SCAMP1: variants seen among roughly 807,000 people sequenced by gnomAD.
SCAMP1 encodes the protein secretory carrier-associated membrane protein 1.
In SCAMP1, 15 loss-of-function variants were observed where a neutral mutation model predicts 41.8. That is an observed-to-expected ratio of 0.36 (90% confidence interval 0.24 to 0.55). The LOEUF (loss-of-function observed/expected upper bound fraction) is 0.55. Ranked by LOEUF, SCAMP1 falls within the 20% of genes least tolerant of loss-of-function variation. The probability of loss-of-function intolerance (pLI) is 0.86; values close to 1 mark genes in which losing one functional copy is unlikely to be tolerated. For synonymous variants in SCAMP1, 135 were observed against 136.8 expected, an observed-to-expected ratio of 0.99 and a Z score of 0.09; for missense variants, 341 against 412.6, an observed-to-expected ratio of 0.83 and a Z score of 1.50.
chr5:78,431,771 G>A (rs73133723), intron 6 of SCAMP1, among the ~76,000 whole-genome samples: 4,316 of 151,730 alleles, frequency 0.028, 218 homozygotes, highest in African/African-American at 0.097. Flanking sequence ...GTTTTAAAAT[G>A]TATTTTATTT....
intron 2 of SCAMP1, among the ~76,000 whole-genome samples, chr5:78,407,192 C>T (rs1751956144): frequency 6.6e-6 from 1 of 152,122 alleles, no homozygotes; most frequent in South Asian, 2.1e-4. Context: ...TTTTCTTCTC[C>T]TGTCATTTTT....
At chr5:78,419,733 A>G (rs1005778539) in intron 5 of SCAMP1, among the ~76,000 whole-genome samples, 39 of 152,208 alleles carry the variant, frequency 2.6e-4, no homozygotes, top group African/African-American at 8.0e-4. Flanking sequence ...CTTTATGATT[A>G]ATGAGACTAC....
chr5:78,361,092 A>G lies in SCAMP1; in HGVS notation c.57+364A>G, dbSNP rs562097240. The G allele has an allele frequency of 1.6e-4, 35 of 217,334 alleles. 1 individual carries two copies. Among genetic ancestry groups the G allele is most frequent in the South Asian group, 1.6e-3 (20 of 12,590 alleles). 13.5% of individuals were successfully genotyped at this position (217,334 alleles called of 1,614,324 possible). A position where few individuals can be genotyped will look rare whatever the true frequency, so the allele number is the denominator to read the frequency against. The stretch of plus-strand genomic sequence containing the variant: ...CCCTTGCCAAGCAAGTGTGGCTGGC[A>G]GGGCCGGGAGTCGGCGGAGGGGGGC... On this transcript the variant is annotated intron_variant, in intron 1 of 8. Coordinates refer to ENST00000621999, the MANE Select transcript of SCAMP1 (RefSeq NM_004866.6).
chr5:78,398,541 ATTTTTTTTTTTT>A (rs57209214), intron 2 of SCAMP1, among the ~76,000 whole-genome samples: 2 of 44,226 alleles, frequency 4.5e-5, no homozygotes, highest in African/African-American at 7.9e-5. Context: ...AAGGTTCACT[ATTTTTTTTTTTT>A]TTTTTTTTTT....
intron 7 of SCAMP1, 133 bp downstream of exon 7, chr5:78,450,167 C>G: frequency 1.7e-6 from 1 of 583,570 alleles, no homozygotes; most frequent in Non-Finnish European, 2.9e-6. Flanking sequence ...TTTAAAAATA[C>G]AATTTTAAAA....
At position 78,451,815 on chromosome 5, in the gene SCAMP1, C is replaced by G. The variant is rs192695088; in HGVS notation, c.734+1781C>G. On this transcript the variant is annotated intron_variant, in intron 7 of 8. Coordinates refer to ENST00000621999, the MANE Select transcript of SCAMP1 (RefSeq NM_004866.6). ...GATTACAGGCGCCTGCCACCCAGCC[C>G]AGCTAATTTTTCTATTTTTAGTAGA... Among the ~76,000 whole-genome samples the G allele has an allele frequency of 1.3e-4, 20 of 152,224 alleles. No individual in the cohort carries two copies. In the East Asian group the frequency reaches 3.9e-3, roughly 29 times the overall value.
At chr5:78,414,812 T>A (rs77178211) in intron 2 of SCAMP1, among the ~76,000 whole-genome samples, 3 of 152,036 alleles carry the variant, frequency 2.0e-5, no homozygotes, top group Non-Finnish European at 4.4e-5. Flanking sequence ...TCTTTTAAAT[T>A]TAGTGGGGTT....
At chr5:78,422,673 A>G (rs1419700329) in intron 6 of SCAMP1, among the ~76,000 whole-genome samples, 1 of 152,194 alleles carries the variant, frequency 6.6e-6, no homozygotes, top group African/African-American at 2.4e-5. Context: ...AGTACCTAGT[A>G]TGATTTGTGC....
intron 1 of SCAMP1, among the ~76,000 whole-genome samples, chr5:78,376,119 G>A (rs1411320128): frequency 1.3e-5 from 2 of 152,048 alleles, no homozygotes; most frequent in African/African-American, 4.8e-5. Flanking sequence ...CGGTCCTACC[G>A]ATATGTGATG....
Position 78,461,510 on chromosome 5 carries a change from C to T in SCAMP1, c.852+2148C>T, listed in dbSNP as rs115113353. Among the ~76,000 whole-genome samples, 607 of 152,250 alleles carry T rather than the reference C, an allele frequency of 4.0e-3. 2 individuals are homozygous for T. Among genetic ancestry groups the T allele is most frequent in the Middle Eastern group, 0.031 (9 of 294 alleles). On this transcript the variant is annotated intron_variant, in intron 8 of 8. Transcript: ENST00000621999. ...AGGTGTGTGGCATTATTTCTGGGTT[C>T]TCTGTTCGATTGGTCTGTTTTTGTA...
intron 2 of SCAMP1, among the ~76,000 whole-genome samples, chr5:78,403,377 T>C (rs1197364007): frequency 1.3e-5 from 2 of 152,164 alleles, no homozygotes; most frequent in Non-Finnish European, 2.9e-5. Flanking sequence ...TTCGCTGATA[T>C]ATAAGCATAT....
At position 78,477,218 on chromosome 5, in the gene SCAMP1, C is replaced by T. The variant is rs1354626366; in HGVS notation, c.*1550C>T. On this transcript the variant is annotated 3_prime_UTR_variant, in exon 9 of 9. Coordinates refer to ENST00000621999, the MANE Select transcript of SCAMP1 (RefSeq NM_004866.6). ...CAAGTTTTCACTATCCATGAAGCAGCGCTGCATGTCACTAGGTAACACAGA... is the reference window on the plus strand; with the variant it reads ...CAAGTTTTCACTATCCATGAAGCAGTGCTGCATGTCACTAGGTAACACAGA... The T allele has an allele frequency of 3.3e-5, 5 of 152,084 alleles. No homozygotes were observed. The highest frequency in any genetic ancestry group is 2.1e-4 in the South Asian group (1 of 4,828). 9.4% of individuals were successfully genotyped at this position (152,084 alleles called of 1,614,324 possible).
At chr5:78,406,027 A>G (rs1025702302) in intron 2 of SCAMP1, among the ~76,000 whole-genome samples, 3 of 152,214 alleles carry the variant, frequency 2.0e-5, no homozygotes, top group East Asian at 1.9e-4. Context: ...TGCTGAATCA[A>G]CGGCTGTTAA....
chr5:78,383,492 AT>A (rs1387379867), intron 1 of SCAMP1, among the ~76,000 whole-genome samples: 1 of 152,224 alleles, frequency 6.6e-6, no homozygotes, highest in African/African-American at 2.4e-5. Context: ...GTTCTTGGTC[AT>A]AAAGTCTTTC....
At chr5:78,360,754 G>A in intron 1 of SCAMP1, 26 bp downstream of exon 1, 1 of 1,595,104 alleles carries the variant, frequency 6.3e-7, no homozygotes, top group Non-Finnish European at 8.5e-7. Flanking sequence ...AGCATCTCCT[G>A]CCGCCGCGAC....
At chr5:78,473,622 C>G (rs1753936872) in intron 8 of SCAMP1, among the ~76,000 whole-genome samples, 1 of 152,116 alleles carries the variant, frequency 6.6e-6, no homozygotes, top group African/African-American at 2.4e-5. Context: ...TCTTCTCCCC[C>G]TCCCACCTTC....
At chr5:78,412,599 G>T (rs1189283461) in intron 2 of SCAMP1, among the ~76,000 whole-genome samples, 1 of 152,002 alleles carries the variant, frequency 6.6e-6, no homozygotes, top group African/African-American at 2.4e-5. Context: ...GGTATTGTCA[G>T]AGTTTGTTTT....
chr5:78,367,268 A>G (rs970046869), intron 1 of SCAMP1, among the ~76,000 whole-genome samples: 1 of 152,242 alleles, frequency 6.6e-6, no homozygotes, highest in African/African-American at 2.4e-5. Flanking sequence ...GCTATGTAAC[A>G]ATCCCAAAAT....
At chr5:78,425,960 G>C (rs1296233405) in intron 6 of SCAMP1, among the ~76,000 whole-genome samples, 3 of 126,518 alleles carry the variant, frequency 2.4e-5, no homozygotes, top group East Asian at 4.4e-4. Flanking sequence ...CCCCACCCCT[G>C]ACAGGCCCTG....
Sources: gnomAD v4.1 joint callset for allele counts (sites outside exome capture counted in the v4.1 genomes callset) on GRCh38, gnomAD v4.1.1 for gene constraint, MANE v1.5 for transcripts, NCBI Gene and HGNC (gene_info 2026-07-23, HGNC 2026-07-21) for gene names.